WNK1: variants seen among roughly 807,000 people sequenced by gnomAD.
WNK1 encodes the protein WNK lysine deficient protein kinase 1.
WNK1 carries 38 observed loss-of-function variants against 222.8 expected under a neutral mutation model. The ratio of observed to expected loss-of-function variants is 0.17; its 90% CI spans 0.13 to 0.22. WNK1 has a LOEUF of 0.22. Ranked by LOEUF, WNK1 falls within the 10% of genes least tolerant of loss-of-function variation. WNK1 has a pLI of 1.00. For missense variants in WNK1, 2,348 were observed against 2,918.4 expected (o/e 0.80, Z 4.50); for synonymous variants, 1,090 against 1,092.9 (o/e 1.00, Z 0.05).
intron 4 of WNK1, among the ~76,000 whole-genome samples, chr12:855,082 C>A (rs1950684773): frequency 6.6e-6 from 1 of 152,194 alleles, no homozygotes; most frequent in South Asian, 2.1e-4. Context: ...GTGTGGCATT[C>A]ATTTTTTTCT....
rs1565383102 is a variant in WNK1, at chr12:757,335, A to ATTT, written c.759+3011_759+3012insTTT. 9.2e-3 allele frequency among the ~76,000 whole-genome samples: 727 copies of ATTT among 79,342 alleles called. 2 individuals are homozygous for ATTT. Among genetic ancestry groups the ATTT allele is most frequent in the Middle Eastern group, 0.017 (2 of 120 alleles). 52.1% of individuals were successfully genotyped at this position (79,342 alleles called of 152,430 possible). A position where few individuals can be genotyped will look rare whatever the true frequency, so the allele number is the denominator to read the frequency against. On this transcript the variant is annotated intron_variant, in intron 1 of 27. Coordinates refer to ENST00000315939, the MANE Select transcript of WNK1 (RefSeq NM_018979.4). Reference sequence around the variant, plus strand: ...TTTTTTTTTTTTTTTTTTTTTTTTAAAAAAAAAAAGAGACGGAGTCTTGCT... The same window carrying ATTT: ...TTTTTTTTTTTTTTTTTTTTTTTTAATTTAAAAAAAAAGAGACGGAGTCTTGCT...
intron 4 of WNK1, among the ~76,000 whole-genome samples, chr12:849,870 A>G (rs1950293282): frequency 6.6e-6 from 1 of 152,108 alleles, no homozygotes. Flanking sequence ...TTCCAGCTTC[A>G]TCCATGTCCC....
intron 2 of WNK1, among the ~76,000 whole-genome samples, chr12:825,793 A>G (rs1948312116): frequency 6.6e-6 from 1 of 152,220 alleles, no homozygotes; most frequent in Non-Finnish European, 1.5e-5. Context: ...ATATCACAGT[A>G]TTATAGATTT....
At chr12:852,094 G>A (rs1323927063) in intron 4 of WNK1, among the ~76,000 whole-genome samples, 1 of 152,164 alleles carries the variant, frequency 6.6e-6, no homozygotes, top group Non-Finnish European at 1.5e-5. Flanking sequence ...GCAATTCTTA[G>A]GATCTGAAAG....
At position 869,598 on chromosome 12, in the gene WNK1, C is replaced by T. The variant is rs72649861; in HGVS notation, c.2140-1667C>T. Among the ~76,000 whole-genome samples the T allele has an allele frequency of 4.4e-3, 660 of 151,622 alleles. 6 individuals carry two copies. Among genetic ancestry groups the T allele is most frequent in the African/African-American group, 0.013 (547 of 41,298 alleles). On this transcript the variant is annotated intron_variant, in intron 8 of 27. Transcript: ENST00000315939. ...TAATACACAGAATTTTCATTAGTGT[C>T]GAAGGATCTAAAAAGACAAAGTATA...
At chr12:845,185 G>A (rs560941283) in intron 4 of WNK1, among the ~76,000 whole-genome samples, 12 of 152,172 alleles carry the variant, frequency 7.9e-5, no homozygotes, top group Admixed American at 1.3e-4. Context: ...GTGAGCCACC[G>A]CGCCCGGCCT....
chr12:847,973 A>G (rs1013407722), intron 4 of WNK1, among the ~76,000 whole-genome samples: 4 of 151,712 alleles, frequency 2.6e-5, no homozygotes, highest in African/African-American at 9.7e-5. Context: ...ATGCCCAGCT[A>G]ATGTTTGTGT....
chr12:861,193 A>T lies in WNK1; in HGVS notation c.1801A>T (p.Thr601Ser). The change falls in exon 7 of 28, where the codon ACA becomes TCA. Residue 601 changes from threonine to serine, a missense_variant. Coordinates refer to ENST00000315939, the MANE Select transcript of WNK1 (RefSeq NM_018979.4). The part of the protein sequence containing the change: ...QQVEQSSASQ[T>S]GIKQLPSAST... ...GGTAGAACAATCCAGTGCTTCCCAG[A>T]CAGGAATCAAGCAGCTCCCTTCTGC... 6.2e-7 allele frequency: 1 copy of T among 1,613,906 alleles called. No individual in the cohort carries two copies. The highest frequency in any genetic ancestry group is 8.5e-7 in the Non-Finnish European group (1 of 1,179,972).
Position 908,015 on chromosome 12 carries a change from A to G in WNK1, c.6812A>G (p.Lys2271Arg). The G allele has an allele frequency of 1.2e-6, 2 of 1,614,154 alleles. No individual in the cohort carries two copies. Among genetic ancestry groups the G allele is most frequent in the Non-Finnish European group, 1.7e-6 (2 of 1,180,040 alleles). Residue 2271 changes from lysine (K) to arginine (R), a missense_variant, in exon 27 of 28, where the codon AAA (lysine) becomes AGA (arginine). By Grantham distance (26) the Lys-to-Arg change is conservative. Coordinates refer to ENST00000315939, the MANE Select transcript of WNK1 (RefSeq NM_018979.4). ...AMNLSGRRGS[K>R]GHMNYEGPGM... ...AATCTCTCAGGCAGGAGAGGAAGCA[A>G]AGGGCACATGAATTACGAGGTAAGT...
intron 2 of WNK1, among the ~76,000 whole-genome samples, chr12:820,664 A>G (rs772957903): frequency 3.6e-4 from 55 of 151,926 alleles, no homozygotes; most frequent in Non-Finnish European, 7.2e-4. Flanking sequence ...TCATAAAGAT[A>G]GGGTCTCAAT....
intron 1 of WNK1, among the ~76,000 whole-genome samples, chr12:760,245 A>G (rs1034597961): frequency 2.0e-5 from 3 of 147,964 alleles, no homozygotes; most frequent in Non-Finnish European, 4.5e-5. Context: ...GATCTCATAT[A>G]TAATTCTTAT....
chr12:830,288 G>T, intron 4 of WNK1, 128 bp downstream of exon 4: 4 of 1,091,034 alleles, frequency 3.7e-6, no homozygotes, highest in Non-Finnish European at 4.1e-6. Context: ...TTGGGGTTGG[G>T]GGGGTGGTGT....
chr12:887,282 T>C lies in WNK1; in HGVS notation c.5342T>C (p.Phe1781Ser), dbSNP rs765716543. 2 of 1,614,188 alleles carry C rather than the reference T, an allele frequency of 1.2e-6. No homozygotes were observed. The highest frequency in any genetic ancestry group is 2.2e-5 in the South Asian group (2 of 91,086). The change falls in exon 20 of 28, where the codon TTT becomes TCT. Residue 1781 changes from phenylalanine (F) to serine (S), a missense_variant. Phe to Ser is a radical substitution (Grantham distance 155). Coordinates refer to ENST00000315939, the MANE Select transcript of WNK1 (RefSeq NM_018979.4). The stretch of plus-strand genomic sequence containing the variant: ...CTACCCAGCGAGCAGCTGCCACCTT[T>C]TCCAGGACCTTCTCTAACCCAGGTG... ...GTLPSEQLPP[F>S]PGPSLTQSQQ...
At chr12:768,121 A>G (rs1266414329) in intron 1 of WNK1, among the ~76,000 whole-genome samples, 1 of 152,086 alleles carries the variant, frequency 6.6e-6, no homozygotes, top group African/African-American at 2.4e-5. Flanking sequence ...GTTGCATTGT[A>G]TCAGGTTTTT....
chr12:832,844 AT>A (rs1295090455), intron 4 of WNK1, among the ~76,000 whole-genome samples: 2 of 152,130 alleles, frequency 1.3e-5, no homozygotes, highest in South Asian at 2.1e-4. Context: ...GGCAGGAGAA[AT>A]TTTTTTATGC....
chr12:869,800 A>G (rs1275296001), intron 8 of WNK1, among the ~76,000 whole-genome samples: 1 of 151,788 alleles, frequency 6.6e-6, no homozygotes, highest in African/African-American at 2.4e-5. Context: ...CTAACAATCT[A>G]GTGAGTGGTG....
chr12:871,418 T>C (rs951449892), intron 9 of WNK1, 70 bp downstream of exon 9: 8 of 1,515,912 alleles, frequency 5.3e-6, no homozygotes, highest in Non-Finnish European at 7.3e-6. Flanking sequence ...TTTTGTGATT[T>C]GTTATATAAA....
At chr12:806,469 C>G (rs984465400) in intron 1 of WNK1, among the ~76,000 whole-genome samples, 1 of 152,152 alleles carries the variant, frequency 6.6e-6, no homozygotes, top group African/African-American at 2.4e-5. Flanking sequence ...CCTGAAGATT[C>G]TTGTACTTCA....
intron 4 of WNK1, 67 bp from the exon 5 acceptor site, chr12:857,094 T>G (rs1043622748): frequency 2.0e-6 from 3 of 1,528,284 alleles, no homozygotes; most frequent in Non-Finnish European, 1.8e-6. Flanking sequence ...GAACCTTAAT[T>G]GGAAATTTAA....
Sources: gnomAD v4.1 joint callset for allele counts (sites outside exome capture counted in the v4.1 genomes callset) on GRCh38, gnomAD v4.1.1 for gene constraint, MANE v1.5 for transcripts, NCBI Gene and HGNC (gene_info 2026-07-23, HGNC 2026-07-21) for gene names.